TRIM14: variants seen among roughly 807,000 people sequenced by gnomAD.
The protein encoded by TRIM14 is tripartite motif-containing protein 14.
TRIM14 carries 28 observed loss-of-function variants against 44.5 expected under a neutral mutation model. The ratio of observed to expected loss-of-function variants is 0.63; its 90% CI spans 0.47 to 0.86. The LOEUF is 0.86. Ranked by LOEUF, TRIM14 falls within the 40% of genes least tolerant of loss-of-function variation. TRIM14 has a pLI of 0.00. For missense variants in TRIM14, 607 were observed against 611.1 expected, an observed-to-expected ratio of 0.99 and a Z score of 0.07; for synonymous variants, 299 against 269.2, an observed-to-expected ratio of 1.11 and a Z score of -1.08.
At chr9:98,046,922 C>T in the TRIM14 span, among the ~76,000 whole-genome samples, 1,772 of 152,156 alleles carry the variant, frequency 0.012, 17 homozygotes, top group Middle Eastern at 0.051. Context: ...AACTTTTCCC[C>T]CCAAAGGTGA....
chr9:98,079,146 G>A (rs771848671), intron 6 of TRIM14, among the ~76,000 whole-genome samples: 12 of 152,090 alleles, frequency 7.9e-5, no homozygotes, highest in Non-Finnish European at 1.3e-4. Context: ...GTCCCAAGTC[G>A]GGAAGCCTGA....
At chr9:98,046,439 GTTTT>G in the TRIM14 span, among the ~76,000 whole-genome samples, 1 of 151,120 alleles carries the variant, frequency 6.6e-6, no homozygotes, top group African/African-American at 2.4e-5. Context: ...GAGTTTTTTT[GTTTT>G]TTGTTTTTTT....
At chr9:98,056,805 T>C in the TRIM14 span, 1 of 1,610,442 alleles carries the variant, frequency 6.2e-7, no homozygotes. Flanking sequence ...CCCGAGCCGC[T>C]GCAATGCCGC....
chr9:98,108,282 T>C (rs775872985), intron 2 of TRIM14, among the ~76,000 whole-genome samples: 4 of 152,182 alleles, frequency 2.6e-5, no homozygotes, highest in Non-Finnish European at 5.9e-5. Flanking sequence ...AGGCCATCCC[T>C]CAGGCCAAGC....
At position 98,087,410 on chromosome 9, in the gene TRIM14, A is replaced by G. The variant is rs1346747698; in HGVS notation, c.*60T>C. 2 of 1,608,400 alleles carry G rather than the reference A, an allele frequency of 1.2e-6. No individual in the cohort carries two copies. Among genetic ancestry groups the G allele is most frequent in the East Asian group, 2.2e-5 (1 of 44,806 alleles). ...GGGGACCAGCCACGCTGATCTAGGT[A>G]GATTAGGCGAGACTGGGCAGCTGCG... On this transcript the variant is annotated 3_prime_UTR_variant, in exon 6 of 6. Coordinates refer to ENST00000341469, the MANE Select transcript of TRIM14 (RefSeq NM_014788.4).
intron 4 of TRIM14, among the ~76,000 whole-genome samples, chr9:98,092,739 A>G (rs910430452): frequency 2.0e-5 from 3 of 152,188 alleles, no homozygotes; most frequent in African/African-American, 7.2e-5. Context: ...AGATGTAGCC[A>G]ACTGTTCAAA....
At chr9:98,083,077 A>C (rs371968175), downstream of TRIM14, 29 of 1,609,362 alleles carry the variant, frequency 1.8e-5, no homozygotes, top group Non-Finnish European at 2.5e-5. Context: ...CATTCTCTGA[A>C]TTCTCAGTTC....
intron 2 of TRIM14, among the ~76,000 whole-genome samples, chr9:98,107,468 C>A (rs1277874792): frequency 1.3e-5 from 2 of 152,212 alleles, no homozygotes; most frequent in Admixed American, 6.5e-5. Context: ...CTCAGCAATA[C>A]ATGGGAATGA....
At chr9:98,041,368 T>G in the TRIM14 span, among the ~76,000 whole-genome samples, 1 of 152,062 alleles carries the variant, frequency 6.6e-6, no homozygotes, top group Non-Finnish European at 1.5e-5. Context: ...GTATTTTTAG[T>G]AGAGATGGGG....
intron 6 of TRIM14, among the ~76,000 whole-genome samples, chr9:98,069,967 G>A (rs375862618): frequency 2.0e-3 from 297 of 152,276 alleles, no homozygotes; most frequent in African/African-American, 6.9e-3. Context: ...CCCAGTTGTG[G>A]TATTGTACTA....
At chr9:98,096,527 A>G (rs1826192438) in intron 3 of TRIM14, among the ~76,000 whole-genome samples, 1 of 152,152 alleles carries the variant, frequency 6.6e-6, no homozygotes, top group Non-Finnish European at 1.5e-5. Flanking sequence ...TTCTCAAAAC[A>G]TATGTATGAT....
At chr9:98,057,679 G>A in the TRIM14 span, among the ~76,000 whole-genome samples, 1 of 152,054 alleles carries the variant, frequency 6.6e-6, no homozygotes, top group African/African-American at 2.4e-5. Context: ...TGTTGGGACT[G>A]CCATATTCTT....
intron 1 of TRIM14, among the ~76,000 whole-genome samples, chr9:98,113,043 G>C (rs1826910969): frequency 6.7e-6 from 1 of 149,850 alleles, no homozygotes; most frequent in Non-Finnish European, 1.5e-5. Flanking sequence ...GTACCTGGGA[G>C]GTGGAGGTTG....
At chr9:98,097,649 A>G in intron 3 of TRIM14, among the ~76,000 whole-genome samples, 1 of 152,226 alleles carries the variant, frequency 6.6e-6, no homozygotes, top group Non-Finnish European at 1.5e-5. Context: ...ATGTCCAGCA[A>G]GTGACCTGGC....
chr9:98,055,904 AT>A, the TRIM14 span, among the ~76,000 whole-genome samples: 1 of 151,482 alleles, frequency 6.6e-6, no homozygotes, highest in Non-Finnish European at 1.5e-5. Flanking sequence ...CGCCCGGCTA[AT>A]TTTTTTGTAT....
chr9:98,054,930 C>A, the TRIM14 span, among the ~76,000 whole-genome samples: 1 of 152,218 alleles, frequency 6.6e-6, no homozygotes, highest in Non-Finnish European at 1.5e-5. Flanking sequence ...GAGAGTAATT[C>A]ATGCAGAGCC....
At chr9:98,050,049 T>G in the TRIM14 span, among the ~76,000 whole-genome samples, 2 of 152,186 alleles carry the variant, frequency 1.3e-5, no homozygotes, top group Non-Finnish European at 2.9e-5. Flanking sequence ...AAAACACAAA[T>G]GAGGTTTAGA....
At chr9:98,111,264 T>C (rs995274266) in intron 1 of TRIM14, among the ~76,000 whole-genome samples, 4 of 152,046 alleles carry the variant, frequency 2.6e-5, no homozygotes, top group Non-Finnish European at 5.9e-5. Context: ...ATATTCATAG[T>C]GTCAACCTTA....
downstream of TRIM14, among the ~76,000 whole-genome samples, chr9:98,082,399 C>A (rs529661427): frequency 2.3e-4 from 35 of 152,292 alleles, no homozygotes; most frequent in African/African-American, 7.9e-4. Flanking sequence ...GCCTCAGTTT[C>A]CCCATGTTTA....
Sources: allele counts gnomAD v4.1 joint callset (sites outside exome capture counted in the v4.1 genomes callset), GRCh38; gene constraint gnomAD v4.1.1; transcripts MANE v1.5; gene names NCBI Gene and HGNC (gene_info 2026-07-23, HGNC 2026-07-21).